The following AGBL4 variants were observed in gnomAD, a reference collection of about 807,000 sequenced individuals.
AGBL4 encodes cytosolic carboxypeptidase 6.
AGBL4 carries 58 observed loss-of-function variants against 66.4 expected under a neutral mutation model. That is an observed-to-expected ratio of 0.87 (90% CI 0.71 to 1.09). The LOEUF (loss-of-function observed/expected upper bound fraction) is 1.09, where lower values mean the gene tolerates loss of function less well. Ranked by LOEUF, AGBL4 falls within the 50% of genes least tolerant of loss-of-function variation. AGBL4 has a pLI of 0.00. For synonymous variants in AGBL4, 234 were observed against 222.9 expected (o/e 1.05, Z -0.44); for missense variants, 579 against 631.0 (o/e 0.92, Z 0.88).
At chr1:48,919,689 C>A (rs983418476) in intron 5 of AGBL4, among the ~76,000 whole-genome samples, 15 of 152,188 alleles carry the variant, frequency 9.9e-5, no homozygotes, top group Non-Finnish European at 5.9e-5. Flanking sequence ...GGATGTTTAG[C>A]AGCATGCATG....
At chr1:48,839,769 C>G (rs1363063751) in intron 6 of AGBL4, among the ~76,000 whole-genome samples, 1 of 152,088 alleles carries the variant, frequency 6.6e-6, no homozygotes, top group African/African-American at 2.4e-5. Context: ...AGACTTCTGG[C>G]CCCACATACA....
At chr1:49,054,361 T>C (rs1213444144) in intron 4 of AGBL4, among the ~76,000 whole-genome samples, 1 of 152,032 alleles carries the variant, frequency 6.6e-6, no homozygotes, top group African/African-American at 2.4e-5. Context: ...ACTGTCTTGG[T>C]AGTGCTGATA....
At chr1:48,633,031 G>A (rs1645616832) in intron 9 of AGBL4, among the ~76,000 whole-genome samples, 1 of 152,210 alleles carries the variant, frequency 6.6e-6, no homozygotes, top group Admixed American at 6.5e-5. Context: ...TATGGATTTG[G>A]TGAGCACAGT....
chr1:49,619,452 G>T (rs1571187886), intron 3 of AGBL4, among the ~76,000 whole-genome samples: 1 of 152,104 alleles, frequency 6.6e-6, no homozygotes, highest in South Asian at 2.1e-4. Flanking sequence ...ACAAACCACT[G>T]CTCAAGGAAA....
intron 3 of AGBL4, among the ~76,000 whole-genome samples, chr1:49,319,815 A>T (rs892479135): frequency 2.0e-4 from 31 of 152,336 alleles, no homozygotes; most frequent in South Asian, 2.1e-4. Flanking sequence ...AGAGGAGGCT[A>T]AATTCATCCT....
At chr1:50,007,590 C>A (rs1661231554) in intron 1 of AGBL4, among the ~76,000 whole-genome samples, 1 of 152,104 alleles carries the variant, frequency 6.6e-6, no homozygotes, top group South Asian at 2.1e-4. Context: ...AAGTGAGATT[C>A]TGTCCCTACA....
At chr1:49,036,389 A>C (rs917698675) in intron 5 of AGBL4, among the ~76,000 whole-genome samples, 4 of 152,098 alleles carry the variant, frequency 2.6e-5, no homozygotes, top group Non-Finnish European at 5.9e-5. Context: ...TAGCATTTTA[A>C]GAAGAAAATA....
At chr1:49,067,842 C>T (rs1026447708) in intron 4 of AGBL4, among the ~76,000 whole-genome samples, 5 of 150,126 alleles carry the variant, frequency 3.3e-5, no homozygotes, top group African/African-American at 1.2e-4. Context: ...GTGCCATGTT[C>T]GTTTGCTGCA....
chr1:49,599,628 T>C (rs1296020325), intron 3 of AGBL4, among the ~76,000 whole-genome samples: 1 of 152,162 alleles, frequency 6.6e-6, no homozygotes, highest in Admixed American at 6.5e-5. Context: ...TCTGCTCTGA[T>C]CTTACTTATT....
rs113584070 is a variant in AGBL4, at chr1:48,952,646, T to C, written c.595-85416A>G. 3.9e-4 allele frequency among the ~76,000 whole-genome samples: 59 copies of C among 152,244 alleles called. 1 individual carries two copies. The highest frequency in any genetic ancestry group is 1.3e-3 in the African/African-American group (55 of 41,532). ...TGGTGATCTCGCCTCTGGTTTTGAA[T>C]AGAGGAAGAAGGAACAATGAGGCAG... On this transcript the variant is annotated intron_variant, in intron 5 of 13. Coordinates refer to ENST00000371839, the MANE Select transcript of AGBL4 (RefSeq NM_032785.4).
At chr1:48,884,447 G>A (rs911175916) in intron 5 of AGBL4, among the ~76,000 whole-genome samples, 1 of 151,578 alleles carries the variant, frequency 6.6e-6, no homozygotes, top group Non-Finnish European at 1.5e-5. Flanking sequence ...TGAGCCCACA[G>A]TAGGTGATCA....
intron 1 of AGBL4, among the ~76,000 whole-genome samples, chr1:49,972,567 G>A (rs12738458): frequency 6.6e-6 from 1 of 152,248 alleles, no homozygotes; most frequent in East Asian, 1.9e-4. Context: ...GGATTGCTTA[G>A]GCCTAGGAGC....
At chr1:49,935,041 T>G (rs1177362313) in intron 1 of AGBL4, among the ~76,000 whole-genome samples, 5 of 152,196 alleles carry the variant, frequency 3.3e-5, no homozygotes, top group Admixed American at 3.3e-4. Context: ...ATTGCCTCAC[T>G]CGGGAAGTGC....
intron 3 of AGBL4, among the ~76,000 whole-genome samples, chr1:49,479,131 T>C (rs1646902935): frequency 6.6e-6 from 1 of 152,052 alleles, no homozygotes; most frequent in East Asian, 1.9e-4. Context: ...AAGTCCTTAC[T>C]TGTCAATAAT....
intron 3 of AGBL4, among the ~76,000 whole-genome samples, chr1:49,383,484 A>G (rs1644666777): frequency 2.0e-5 from 3 of 152,126 alleles, no homozygotes. Flanking sequence ...GAGCCCCAAA[A>G]TAAACCCTCA....
intron 3 of AGBL4, among the ~76,000 whole-genome samples, chr1:49,695,222 T>C (rs1224345357): frequency 6.6e-6 from 1 of 152,114 alleles, no homozygotes; most frequent in South Asian, 2.1e-4. Flanking sequence ...CCTTCCTTCA[T>C]ATGAATTGAC....
At chr1:49,799,507 C>G (rs1201072141) in intron 2 of AGBL4, among the ~76,000 whole-genome samples, 1 of 152,042 alleles carries the variant, frequency 6.6e-6, no homozygotes, top group Non-Finnish European at 1.5e-5. Flanking sequence ...TGATTAATGT[C>G]TGGGCTGTAG....
chr1:49,598,388 T>C (rs1644889784), intron 3 of AGBL4, among the ~76,000 whole-genome samples: 1 of 152,050 alleles, frequency 6.6e-6, no homozygotes, highest in Admixed American at 6.6e-5. Flanking sequence ...TACAGATGGG[T>C]TTTTGGTGTG....
Position 48,533,235 on chromosome 1 carries a change from C to G in AGBL4, c.*938G>C, listed in dbSNP as rs891085724. On this transcript the variant is annotated 3_prime_UTR_variant, in exon 14 of 14. Transcript: ENST00000371839. ...AGGAAGGGAGCAGACCCCCCTGGACCCATTCATCATACAAAGGCACTTTAC... is the reference window on the plus strand; with the variant it reads ...AGGAAGGGAGCAGACCCCCCTGGACGCATTCATCATACAAAGGCACTTTAC... The G allele has an allele frequency of 1.3e-5, 2 of 152,110 alleles. No homozygotes were observed. The highest frequency in any genetic ancestry group is 4.8e-5 in the African/African-American group (2 of 41,412). The allele number at this position is 152,110 out of a possible 1,614,324, so 9.4% of individuals were successfully genotyped here.
Sources: gnomAD v4.1 joint callset for allele counts (sites outside exome capture counted in the v4.1 genomes callset) on GRCh38, gnomAD v4.1.1 for gene constraint, MANE v1.5 for transcripts, NCBI Gene and HGNC (gene_info 2026-07-23, HGNC 2026-07-21) for gene names.